Variants in ATP12A observed in about 807,000 individuals in gnomAD.
ATP12A encodes potassium-transporting ATPase alpha chain 2.
Under a neutral mutation model 111.2 loss-of-function variants are expected in ATP12A, and 81 were observed. The observed-to-expected ratio is 0.73, with a 90% confidence interval of 0.61 to 0.88. ATP12A has a LOEUF of 0.88. Among genes scored for constraint, ATP12A ranks in the 40% least tolerant of loss-of-function variants. ATP12A has a pLI of 0.00. For synonymous variants in ATP12A, 498 were observed against 499.8 expected, an observed-to-expected ratio of 1.00 and a Z score of 0.05; for missense variants, 1,196 against 1,313.1, an observed-to-expected ratio of 0.91 and a Z score of 1.38.
intron 10 of ATP12A, 66 bp from the exon 11 acceptor site, chr13:24,694,378 C>A: frequency 6.3e-7 from 1 of 1,592,846 alleles, no homozygotes; most frequent in South Asian, 1.1e-5. Flanking sequence ...TGTTTTGGGT[C>A]CTATGCTGAG....
intron 5 of ATP12A, 75 bp downstream of exon 5, chr13:24,689,450 G>A: frequency 1.6e-6 from 2 of 1,287,130 alleles, no homozygotes; most frequent in African/African-American, 1.5e-5. Flanking sequence ...GGGGCACAGG[G>A]CCCTGAGGGC....
Position 24,685,462 on chromosome 13 carries a change from T to A in ATP12A, c.228+89T>A. On this transcript the variant is annotated intron_variant, in intron 3 of 22. Transcript: ENST00000381946. This position sits in a 1 kb window ranked among gnomAD's most constrained non-coding sequence, Gnocchi z 5.5. Reference sequence around the variant, plus strand: ...TGTGGCGGGGGGCTGTGTGGAAGAGTAGCGGCACCTTTAGGAGGAGGGGCC... The same window carrying A: ...TGTGGCGGGGGGCTGTGTGGAAGAGAAGCGGCACCTTTAGGAGGAGGGGCC... 1 of 1,383,502 alleles carries A rather than the reference T, an allele frequency of 7.2e-7. No homozygotes were observed. Among genetic ancestry groups the A allele is most frequent in the Non-Finnish European group, 1.0e-6 (1 of 972,894 alleles). The allele number at this position is 1,383,502 out of a possible 1,614,324, so 85.7% of individuals were successfully genotyped here. A position where few individuals can be genotyped will look rare whatever the true frequency, so the allele number is the denominator to read the frequency against.
At position 24,680,626 on chromosome 13, in the gene ATP12A, G is replaced by A. The variant is rs1469882616; in HGVS notation, c.-118G>A. On this transcript the variant is annotated 5_prime_UTR_variant, in exon 1 of 23. Coordinates refer to ENST00000381946, the MANE Select transcript of ATP12A (RefSeq NM_001676.7). ...CCGCGCCGCCGCCGGTATCTCCACC[G>A]CCAACACCTCAGCCACTGCCACTGC... The A allele has an allele frequency of 7.9e-7, 1 of 1,259,856 alleles. No individual in the cohort carries two copies. Among genetic ancestry groups the A allele is most frequent in the Non-Finnish European group, 1.1e-6 (1 of 925,626 alleles). 78.0% of individuals were successfully genotyped at this position (1,259,856 alleles called of 1,614,324 possible). A position where few individuals can be genotyped will look rare whatever the true frequency, so the allele number is the denominator to read the frequency against.
chr13:24,681,678 A>G lies in ATP12A; in HGVS notation c.126A>G (p.Lys42=), dbSNP rs775738489. Residue 42 remains lysine (K), a synonymous_variant, in exon 2 of 23, where the codon AAA becomes AAG. Transcript: ENST00000381946. ...RGLKNNCLEL[K]KKNHKEEFQK... The stretch of plus-strand genomic sequence containing the variant: ...TGAAGAACAACTGCCTGGAACTCAA[A>G]AAGAAAAATCACAAAGAGGAGTTTC... The G allele has an allele frequency of 2.5e-5, 40 of 1,614,106 alleles. No individual in the cohort carries two copies. Among genetic ancestry groups the G allele is most frequent in the Non-Finnish European group, 3.3e-5 (39 of 1,180,052 alleles).
intron 1 of ATP12A, 66 bp downstream of exon 1, chr13:24,680,818 A>G: frequency 7.0e-7 from 1 of 1,429,900 alleles, no homozygotes; most frequent in Non-Finnish European, 9.1e-7. Context: ...GGACCGGAGC[A>G]GGCTGACGGG....
rs1444843343 is a variant in ATP12A at position 24,692,635 on chromosome 13, T to A, written c.1267+8T>A. 1 of 1,609,864 alleles carries A rather than the reference T, an allele frequency of 6.2e-7. No individual in the cohort carries two copies. Among genetic ancestry groups the A allele is most frequent in the Non-Finnish European group, 8.5e-7 (1 of 1,176,648 alleles). The stretch of plus-strand genomic sequence containing the variant: ...CCAGTGAGGACCATTCAAGTAAGTC[T>A]TATGGAGAGCTCGGTCTGGCCAAAG... On this transcript the variant is annotated splice_region_variant and intron_variant, in intron 9 of 22. Transcript: ENST00000381946.
In ATP12A at chr13:24,708,940, A is replaced by AG. The variant is rs1566078280; in HGVS notation, c.2494-423dup. On this transcript the variant is annotated intron_variant, in intron 17 of 22. Transcript: ENST00000381946. ...AAGAAAGAAAGAAAGAAAGAAAGAAAGAAAGAAAGAAAGAAAGAAAGAAGG... is the reference window on the plus strand; with the variant it reads ...AAGAAAGAAAGAAAGAAAGAAAGAAAGGAAAGAAAGAAAGAAAGAAAGAAGG... Among the ~76,000 whole-genome samples the AG allele has an allele frequency of 1.1e-3, 153 of 143,532 alleles. 3 individuals are homozygous for AG. The highest frequency in any genetic ancestry group is 3.0e-3 in the African/African-American group (109 of 36,032). The allele number at this position is 143,532 out of a possible 152,430, so 94.2% of individuals were successfully genotyped here. A position where few individuals can be genotyped will look rare whatever the true frequency, so the allele number is the denominator to read the frequency against.
chr13:24,705,711 C>G (rs1008426962), intron 14 of ATP12A, among the ~76,000 whole-genome samples: 9 of 152,046 alleles, frequency 5.9e-5, no homozygotes, highest in Non-Finnish European at 8.8e-5. Flanking sequence ...ACTTTGTCAC[C>G]CAGGCTTGAG....
chr13:24,680,444 C>A lies in ATP12A; in HGVS notation c.-300C>A. 1 of 416,350 alleles carries A rather than the reference C, an allele frequency of 2.4e-6. No homozygotes were observed. Among genetic ancestry groups the A allele is most frequent in the Non-Finnish European group, 4.3e-6 (1 of 234,058 alleles). 25.8% of individuals were successfully genotyped at this position (416,350 alleles called of 1,614,324 possible). The stretch of plus-strand genomic sequence containing the variant: ...ACTCTCCCGACCCCTAGCTGTCGGT[C>A]CCCCTCCCTGCGCGCGCGCCGGCGG... On this transcript the variant is annotated 5_prime_UTR_variant, in exon 1 of 23. Coordinates refer to ENST00000381946, the MANE Select transcript of ATP12A (RefSeq NM_001676.7).
In ATP12A at chr13:24,694,448, C is replaced by T. The variant is rs754417500; in HGVS notation, c.1382C>T (p.Ala461Val). 3.1e-6 allele frequency: 5 copies of T among 1,612,468 alleles called. No homozygotes were observed. The African/African-American group carries it at 6.7e-5, about 22-fold the overall frequency. Reference sequence around the variant, plus strand: ...TTTTTCTTCTTTGATTCCCAGAAAGCTGTGATTGGAGATGCCTCAGAAACT... The same window carrying T: ...TTTTTCTTCTTTGATTCCCAGAAAGTTGTGATTGGAGATGCCTCAGAAACT... Reference protein sequence around the residue: ...GQENVPIMKKAVIGDASETAL... With the variant: ...GQENVPIMKKVVIGDASETAL... Residue 461 changes from alanine (A) to valine (V), a missense_variant, in exon 11 of 23, where the codon GCT becomes GTT. Physicochemically the swap from Ala to Val is moderately conservative, Grantham distance 64 (BLOSUM62 0). Coordinates refer to ENST00000381946, the MANE Select transcript of ATP12A (RefSeq NM_001676.7).
At position 24,710,855 on chromosome 13, in the gene ATP12A, C is replaced by T; in HGVS notation, c.2961C>T (p.Gly987=). The T allele has an allele frequency of 6.2e-7, 1 of 1,614,208 alleles. No homozygotes were observed. The highest frequency in any genetic ancestry group is 8.5e-7 in the Non-Finnish European group (1 of 1,180,040). Residue 987 remains glycine, a synonymous_variant, in exon 21 of 23, where the codon GGC becomes GGT. Coordinates refer to ENST00000381946, the MANE Select transcript of ATP12A (RefSeq NM_001676.7). ...QIIIGLILSY[G]LGSVTALSFT... ...TCATTGGTCTGATCCTCTCCTATGG[C>T]CTCGGAAGTGTCACAGCCTTGAGTT...
intron 10 of ATP12A, among the ~76,000 whole-genome samples, chr13:24,693,382 A>G (rs1257587810): frequency 6.6e-6 from 1 of 151,706 alleles, no homozygotes; most frequent in Non-Finnish European, 1.5e-5. Context: ...CTCCATCTCA[A>G]TGAGTCACTG....
intron 3 of ATP12A, 112 bp from the exon 4 acceptor site, chr13:24,688,207 C>T (rs765585979): frequency 6.2e-5 from 77 of 1,250,232 alleles, no homozygotes; most frequent in South Asian, 1.4e-4. Context: ...TCTTTGGCCA[C>T]GTTAATGCCT....
At position 24,691,248 on chromosome 13, in the gene ATP12A, A is replaced by G. The variant is rs1462489423; in HGVS notation, c.1066A>G (p.Thr356Ala). 7 of 1,610,776 alleles carry G rather than the reference A, an allele frequency of 4.3e-6. No individual in the cohort carries two copies. Among genetic ancestry groups the G allele is most frequent in the Non-Finnish European group, 5.9e-6 (7 of 1,178,686 alleles). ...GCCCGAGGGCCTCCTGGCCACTGTC[A>G]CTGTGAGTCCATGCTGTTAGACAGC... ...NVPEGLLATV[T>A]VTLSLTAKRM... The change falls in exon 8 of 23, where the codon ACT (threonine) becomes GCT (alanine). Residue 356 changes from threonine to alanine, a missense_variant and splice_region_variant. Around this residue, in one of 3 missense-constraint regions of ATP12A, gnomAD observed 1,126 missense variants for 1,228.5 expected, o/e 0.92. Transcript: ENST00000381946.
At position 24,689,378 on chromosome 13, in the gene ATP12A, G is replaced by A. The variant is rs1300564163; in HGVS notation, c.546+3G>A. On this transcript the variant is annotated splice_donor_region_variant and intron_variant, in intron 5 of 22. Transcript: ENST00000381946. ...GCTTCAATAAGATGATCCCTCAGGT[G>A]AGTGGCAGCCACCTATCCTCTGGCC... 6.2e-7 allele frequency: 1 copy of A among 1,612,628 alleles called. No homozygotes were observed. The highest frequency in any genetic ancestry group is 8.5e-7 in the Non-Finnish European group (1 of 1,178,840).
rs1205656417 is a variant in ATP12A, at chr13:24,690,587, T to C, written c.682-17T>C. On this transcript the variant is annotated splice_polypyrimidine_tract_variant and intron_variant, in intron 6 of 22. Transcript: ENST00000381946. ...ATGAGGTACCCAGCTGTGAACCACCTTCAACATTTCTTCTAGGTGGATAAC... is the reference window on the plus strand; with the variant it reads ...ATGAGGTACCCAGCTGTGAACCACCCTCAACATTTCTTCTAGGTGGATAAC... The C allele has an allele frequency of 6.2e-7, 1 of 1,606,744 alleles. No individual in the cohort carries two copies. Among genetic ancestry groups the C allele is most frequent in the Non-Finnish European group, 8.5e-7 (1 of 1,176,308 alleles).
rs757515614 is a variant in ATP12A, at chr13:24,688,344, A to AGCTCCTG, written c.257_263dup (p.Arg89ProfsTer17). On this transcript the variant is annotated frameshift_variant, in exon 4 of 23. Transcript: ENST00000381946. LOFTEE classifies it high-confidence loss of function. ...GGTCTCTCCAGCACCAGAGCTGCCG[A>AGCTCCTG]GCTCCTGGCCCGGGATGGGCCCAAC... 5 of 1,613,690 alleles carry AGCTCCTG rather than the reference A, an allele frequency of 3.1e-6. No homozygotes were observed. Among genetic ancestry groups the AGCTCCTG allele is most frequent in the Non-Finnish European group, 4.2e-6 (5 of 1,179,914 alleles).
chr13:24,711,657 C>A lies in ATP12A; in HGVS notation c.*135C>A. On this transcript the variant is annotated 3_prime_UTR_variant, in exon 23 of 23. Transcript: ENST00000381946. ...CAAGAGGAAATTTTCATGCAGAAAG[C>A]TGTATGCAGGATGCTCACTGATGTT... The A allele has an allele frequency of 1.6e-6, 2 of 1,235,728 alleles. No individual in the cohort carries two copies. Among genetic ancestry groups the A allele is most frequent in the Admixed American group, 2.1e-5 (1 of 47,762 alleles). 76.5% of individuals were successfully genotyped at this position (1,235,728 alleles called of 1,614,324 possible). A position where few individuals can be genotyped will look rare whatever the true frequency, so the allele number is the denominator to read the frequency against.
intron 19 of ATP12A, 77 bp downstream of exon 19, chr13:24,709,905 C>A (rs1431027299): frequency 1.5e-5 from 24 of 1,563,322 alleles, no homozygotes; most frequent in Non-Finnish European, 2.0e-5. Context: ...TTACATAGAA[C>A]CTCCATGTCC....
Sources: allele counts gnomAD v4.1 joint callset (sites outside exome capture counted in the v4.1 genomes callset), GRCh38; gene constraint gnomAD v4.1.1; regional missense constraint gnomAD v4.1.1; non-coding constraint Gnocchi (gnomAD v3.1); transcripts MANE v1.5; gene names NCBI Gene and HGNC (gene_info 2026-07-23, HGNC 2026-07-21).